The following COL21A1 variants were observed in gnomAD, a reference collection of about 807,000 sequenced individuals.
The protein encoded by COL21A1 is collagen type XXI alpha 1 chain, also known as collagen alpha-1(XXI) chain.
COL21A1 carries 149 observed loss-of-function variants against 137.9 expected under a neutral mutation model. The ratio of observed to expected loss-of-function variants is 1.08; its 90% confidence interval spans 0.95 to 1.24. COL21A1 has a LOEUF of 1.24. Among genes scored for constraint, COL21A1 ranks in the 50% most tolerant of loss-of-function variants. The probability of loss-of-function intolerance (pLI) is 0.00; values close to 1 mark genes in which losing one functional copy is unlikely to be tolerated. For synonymous variants in COL21A1, 456 were observed against 391.5 expected (o/e 1.16, Z -1.95); for missense variants, 1,167 against 1,158.4 (o/e 1.01, Z -0.11).
intron 7 of COL21A1, among the ~76,000 whole-genome samples, chr6:56,165,330 A>G (rs4712113): frequency 0.65 from 98,459 of 152,030 alleles, 32,257 homozygotes; most frequent in East Asian, 0.86. Flanking sequence ...GTTCAAAAAT[A>G]AGAAGGTTGG....
chr6:56,131,710 G>C (rs747547873), intron 12 of COL21A1, among the ~76,000 whole-genome samples: 7 of 152,020 alleles, frequency 4.6e-5, no homozygotes, highest in Admixed American at 6.6e-5. Flanking sequence ...ATTGAAACAA[G>C]ATTGTGGATG....
chr6:56,093,231 T>G (rs1309347348), intron 17 of COL21A1, among the ~76,000 whole-genome samples: 2 of 152,130 alleles, frequency 1.3e-5, no homozygotes, highest in Non-Finnish European at 2.9e-5. Context: ...CAGTCTACCC[T>G]CTGGCCTTCA....
At chr6:56,084,506 C>T (rs1171439097) in intron 17 of COL21A1, among the ~76,000 whole-genome samples, 3 of 151,654 alleles carry the variant, frequency 2.0e-5, no homozygotes, top group African/African-American at 7.3e-5. Context: ...CTCAAATTTA[C>T]AACACAACTT....
At position 56,125,011 on chromosome 6, in the gene COL21A1, C is replaced by CTT. The variant is rs70986773; in HGVS notation, c.1650+554_1650+555dup. ...AATCTCTCACTGTAAATCTGTAAAT[C>CTT]TTTTTTTTTTTTTTTTTTTTTTTTT... On this transcript the variant is annotated intron_variant, in intron 14 of 29. Transcript: ENST00000244728. 6.0e-4 allele frequency among the ~76,000 whole-genome samples: 33 copies of CTT among 54,838 alleles called. 1 individual carries two copies. Among genetic ancestry groups the CTT allele is most frequent in the South Asian group, 3.7e-3 (4 of 1,074 alleles). The allele number at this position is 54,838 out of a possible 152,430, so 36.0% of individuals were successfully genotyped here.
chr6:56,246,487 T>C (rs1188821510), intron 1 of COL21A1, among the ~76,000 whole-genome samples: 1 of 151,786 alleles, frequency 6.6e-6, no homozygotes, highest in Non-Finnish European at 1.5e-5. Flanking sequence ...TTTTTCAATA[T>C]GGGCAAAACT....
chr6:56,281,561 T>C (rs937613388), intron 1 of COL21A1, among the ~76,000 whole-genome samples: 22 of 152,154 alleles, frequency 1.4e-4, no homozygotes, highest in Admixed American at 6.5e-5. Flanking sequence ...CAAAGTAAAA[T>C]ATCAAATTCT....
intron 1 of COL21A1, among the ~76,000 whole-genome samples, chr6:56,281,077 C>G (rs1221069643): frequency 1.3e-5 from 2 of 152,110 alleles, no homozygotes; most frequent in East Asian, 3.9e-4. Context: ...CCTACTACAC[C>G]ACACTTTCCT....
chr6:56,125,404 C>CTTTTTTTCT (rs1043800675), intron 14 of COL21A1, 163 bp downstream of exon 14: 1 of 451,794 alleles, frequency 2.2e-6, no homozygotes, highest in East Asian at 3.4e-5. Context: ...GTCACCAGCT[C>CTTTTTTTCT]TTTTTTTCTT....
intron 1 of COL21A1, among the ~76,000 whole-genome samples, chr6:56,191,996 A>C (rs1025513474): frequency 2.0e-5 from 3 of 152,196 alleles, no homozygotes; most frequent in Admixed American, 2.0e-4. Flanking sequence ...CGGGTACCAA[A>C]ACAGATATAT....
rs1203366646 is a variant in COL21A1 at position 56,126,082 on chromosome 6, C to G, written c.1596+14G>C. 3.3e-6 allele frequency: 5 copies of G among 1,517,662 alleles called. No homozygotes were observed. The highest frequency in any genetic ancestry group is 4.1e-5 in the Admixed American group (2 of 48,258). The allele number at this position is 1,517,662 out of a possible 1,614,324, so 94.0% of individuals were successfully genotyped here. On this transcript the variant is annotated intron_variant, in intron 13 of 29. Coordinates refer to ENST00000244728, the MANE Select transcript of COL21A1 (RefSeq NM_030820.4). ...ATGGCTTTGCTATATTTAAAAGAAA[C>G]AGATTTCTTCAACCTTTGATCCTGG...
chr6:56,292,393 C>G (rs187789278), intron 1 of COL21A1, among the ~76,000 whole-genome samples: 2,384 of 125,470 alleles, frequency 0.019, 111 homozygotes, highest in African/African-American at 0.062. Context: ...AAACAGGGAC[C>G]CCCCCCCTCC....
At chr6:56,258,161 T>C (rs1245668721) in intron 1 of COL21A1, among the ~76,000 whole-genome samples, 1 of 152,196 alleles carries the variant, frequency 6.6e-6, no homozygotes, top group Non-Finnish European at 1.5e-5. Flanking sequence ...TTGGAGTTTC[T>C]GAAATTCTTG....
chr6:56,154,698 A>G (rs926565929), intron 10 of COL21A1, among the ~76,000 whole-genome samples: 1 of 152,100 alleles, frequency 6.6e-6, no homozygotes, highest in Non-Finnish European at 1.5e-5. Flanking sequence ...ATTTATATTT[A>G]TCCTTCTAAA....
At chr6:56,186,676 A>G (rs1778328092) in intron 1 of COL21A1, among the ~76,000 whole-genome samples, 1 of 152,178 alleles carries the variant, frequency 6.6e-6, no homozygotes, top group African/African-American at 2.4e-5. Context: ...TGGTTTCTTT[A>G]TTGGGAAAAA....
chr6:56,238,267 C>G (rs1039374685), intron 1 of COL21A1, among the ~76,000 whole-genome samples: 1 of 151,906 alleles, frequency 6.6e-6, no homozygotes, highest in African/African-American at 2.4e-5. Flanking sequence ...ATATTTAGGG[C>G]TGCATCCCTA....
chr6:56,305,687 C>T (rs1288841200), intron 1 of COL21A1, among the ~76,000 whole-genome samples: 3 of 152,122 alleles, frequency 2.0e-5, no homozygotes, highest in Non-Finnish European at 4.4e-5. Flanking sequence ...ACTCTTGATC[C>T]AATTTGCCAG....
chr6:56,251,344 CACT>C (rs1782847657), upstream of COL21A1, among the ~76,000 whole-genome samples: 1 of 152,134 alleles, frequency 6.6e-6, no homozygotes, highest in Admixed American at 6.5e-5. Flanking sequence ...CACACAGCAC[CACT>C]AAGAGCAGGT....
chr6:56,098,532 T>C (rs1479434034), intron 17 of COL21A1, among the ~76,000 whole-genome samples: 1 of 17,984 alleles, frequency 5.6e-5, no homozygotes, highest in African/African-American at 2.7e-4. Context: ...TATATAAATA[T>C]ATATATAAAT....
At chr6:56,145,315 G>T (rs1213618853) in intron 10 of COL21A1, among the ~76,000 whole-genome samples, 2 of 152,098 alleles carry the variant, frequency 1.3e-5, no homozygotes, top group African/African-American at 4.8e-5. Flanking sequence ...GTTACAATTA[G>T]ATGCATTCTT....
Sources: gnomAD v4.1 joint callset for allele counts (sites outside exome capture counted in the v4.1 genomes callset) on GRCh38, gnomAD v4.1.1 for gene constraint, MANE v1.5 for transcripts, NCBI Gene and HGNC (gene_info 2026-07-23, HGNC 2026-07-21) for gene names.